The following CUX2 variants were observed in gnomAD, a reference collection of about 807,000 sequenced individuals.
CUX2 encodes homeobox protein cut-like 2.
A neutral mutation model predicts 144.8 loss-of-function variants in CUX2; 40 were observed. The ratio of observed to expected loss-of-function variants is 0.28; its 90% CI spans 0.21 to 0.36. The LOEUF (loss-of-function observed/expected upper bound fraction) is 0.36, where lower values mean the gene tolerates loss of function less well. Among genes scored for constraint, CUX2 ranks in the 10% least tolerant of loss-of-function variants. The probability of loss-of-function intolerance (pLI) is 1.00; values close to 1 mark genes in which losing one functional copy is unlikely to be tolerated. For missense variants in CUX2, 1,615 were observed against 1,994.0 expected (o/e 0.81, Z 3.62); for synonymous variants, 827 against 875.6 (o/e 0.94, Z 0.98).
Position 111,256,074 on chromosome 12 carries a change from C to G in CUX2, c.223-7687C>G, listed in dbSNP as rs151207275. Among the ~76,000 whole-genome samples the G allele has an allele frequency of 2.8e-3, 426 of 152,226 alleles. 8 individuals carry two copies. The highest frequency in any genetic ancestry group is 0.022 in the Admixed American group (343 of 15,294). On this transcript the variant is annotated intron_variant, in intron 3 of 21. Coordinates refer to ENST00000261726, the MANE Select transcript of CUX2 (RefSeq NM_015267.4). ...TGAGTGGTCAACAGGAGCCCCTCCC[C>G]CTCTGGTACATCTGAGCAAGTCTCG...
At chr12:111,275,233 C>A (rs533047321) in intron 4 of CUX2, among the ~76,000 whole-genome samples, 171 of 152,328 alleles carry the variant, frequency 1.1e-3, no homozygotes, top group South Asian at 8.7e-3. Flanking sequence ...TCCCTGCACG[C>A]CCATCAGGAC....
intron 1 of CUX2, among the ~76,000 whole-genome samples, chr12:111,131,816 C>T (rs2136110098): frequency 6.6e-6 from 1 of 152,332 alleles, no homozygotes; most frequent in East Asian, 1.9e-4. Context: ...CAGCTCCACC[C>T]CTGTGGCTTT....
At chr12:111,192,946 A>G (rs533434397) in intron 1 of CUX2, among the ~76,000 whole-genome samples, 41 of 152,300 alleles carry the variant, frequency 2.7e-4, no homozygotes, top group African/African-American at 8.7e-4. Context: ...TATGATGACT[A>G]TTGATTGCTG....
chr12:111,346,119 A>C (rs1888793698), intron 21 of CUX2, among the ~76,000 whole-genome samples: 1 of 144,660 alleles, frequency 6.9e-6, no homozygotes, highest in African/African-American at 2.6e-5. Context: ...AAAAAAAAAA[A>C]GTTACACGAA....
chr12:111,153,485 T>C (rs1877187412), intron 1 of CUX2, among the ~76,000 whole-genome samples: 1 of 152,178 alleles, frequency 6.6e-6, no homozygotes, highest in South Asian at 2.1e-4. Flanking sequence ...CTGAACATCA[T>C]GCAACTGCAC....
chr12:111,040,278 C>T (rs112288381), intron 1 of CUX2, among the ~76,000 whole-genome samples: 196 of 151,594 alleles, frequency 1.3e-3, no homozygotes, highest in African/African-American at 4.6e-3. Context: ...CTGAGCAAGA[C>T]CCTGTTTAAA....
intron 1 of CUX2, among the ~76,000 whole-genome samples, chr12:111,106,993 G>A (rs566615180): frequency 4.6e-5 from 7 of 152,314 alleles, no homozygotes; most frequent in African/African-American, 1.7e-4. Flanking sequence ...CCACATGGTG[G>A]CAAGATTGTT....
At chr12:111,345,826 C>A (rs916217840) in intron 21 of CUX2, among the ~76,000 whole-genome samples, 1 of 142,094 alleles carries the variant, frequency 7.0e-6, no homozygotes, top group Non-Finnish European at 1.5e-5. Context: ...ATGAAATAAA[C>A]AGGCTGGGTG....
intron 1 of CUX2, among the ~76,000 whole-genome samples, chr12:111,179,056 G>A (rs1453379198): frequency 1.3e-5 from 2 of 152,144 alleles, no homozygotes; most frequent in Non-Finnish European, 2.9e-5. Flanking sequence ...CCTTTCAGAC[G>A]TTCCCTGAGC....
At chr12:111,278,277 G>A (rs373616204) in intron 4 of CUX2, among the ~76,000 whole-genome samples, 2 of 152,300 alleles carry the variant, frequency 1.3e-5, no homozygotes, top group African/African-American at 2.4e-5. Context: ...TTATCTGGAC[G>A]TGATGGCATG....
rs760110894 is a variant in CUX2, at chr12:111,217,839, G to A, written c.175-51G>A. On this transcript the variant is annotated intron_variant, in intron 2 of 21. Transcript: ENST00000261726. ...CAGCGAGCTACAAGCAGGGGCCACG[G>A]GGGCGTCCCACCTGGCACTGTAGTG... The A allele has an allele frequency of 5.6e-6, 9 of 1,594,766 alleles. No individual in the cohort carries two copies. The Admixed American group carries it at 6.7e-5, about 12-fold the overall frequency.
At chr12:111,175,387 C>T (rs1201076158) in intron 1 of CUX2, among the ~76,000 whole-genome samples, 5 of 138,176 alleles carry the variant, frequency 3.6e-5, no homozygotes, top group Admixed American at 7.7e-5. Flanking sequence ...GCTTCATAGT[C>T]ATTAGGGAAC....
In CUX2 at chr12:111,320,395, C is replaced by T. The variant is rs775560554; in HGVS notation, c.2386C>T (p.Leu796Phe). 109 of 1,597,944 alleles carry T rather than the reference C, an allele frequency of 6.8e-5. No individual in the cohort carries two copies. In the Admixed American group the frequency reaches 1.3e-3, roughly 19 times the overall value. Reference protein sequence around the residue: ...DHHWASDRGLLSRPYASVSPS... With the variant: ...DHHWASDRGLFSRPYASVSPS... ...CCACTGGGCCTCCGACCGCGGCCTG[C>T]TCAGCCGCCCCTACGCCTCCGTGTC... is the stretch of plus-strand genomic sequence containing the variant. The change falls in exon 17 of 22, where the codon CTC becomes TTC. Residue 796 changes from leucine (L) to phenylalanine (F), a missense_variant. By Grantham distance (22) the Leu-to-Phe change is conservative. Coordinates refer to ENST00000261726, the MANE Select transcript of CUX2 (RefSeq NM_015267.4). This position sits in a 1 kb window ranked among gnomAD's most constrained non-coding sequence, Gnocchi z 8.1.
chr12:111,299,428 C>T (rs1213372282), intron 9 of CUX2, among the ~76,000 whole-genome samples: 8 of 152,200 alleles, frequency 5.3e-5, no homozygotes, highest in Non-Finnish European at 7.3e-5. Context: ...GGGGCACTCC[C>T]TCCTACAGAG....
At chr12:111,288,866 G>A (rs1885532441) in intron 4 of CUX2, among the ~76,000 whole-genome samples, 2 of 152,300 alleles carry the variant, frequency 1.3e-5, no homozygotes, top group Middle Eastern at 3.4e-3. Context: ...AGTAGGCTGA[G>A]GCAGGAATGT....
At chr12:111,098,718 C>T (rs1355717485) in intron 1 of CUX2, among the ~76,000 whole-genome samples, 1 of 149,554 alleles carries the variant, frequency 6.7e-6, no homozygotes, top group Non-Finnish European at 1.5e-5. Flanking sequence ...CGTCACCTCC[C>T]TCTCTCTAGC....
At chr12:111,153,515 T>C (rs1019610364) in intron 1 of CUX2, among the ~76,000 whole-genome samples, 1 of 152,188 alleles carries the variant, frequency 6.6e-6, no homozygotes, top group African/African-American at 2.4e-5. Context: ...TAGGCACTTG[T>C]AACTTGTGGT....
intron 16 of CUX2, among the ~76,000 whole-genome samples, chr12:111,316,958 T>A (rs1160215785): frequency 6.6e-6 from 1 of 152,178 alleles, no homozygotes; most frequent in Admixed American, 6.5e-5. Context: ...GTTCTGCACA[T>A]TTTGTGTAAA....
rs527732420 is a variant in CUX2, at chr12:111,322,199, T to C, written c.2767-222T>C. On this transcript the variant is annotated intron_variant, in intron 17 of 21. Coordinates refer to ENST00000261726, the MANE Select transcript of CUX2 (RefSeq NM_015267.4). The surrounding 1 kb of genome is among the most constrained non-coding windows in gnomAD (Gnocchi z 4.2). ...CAGACGTGCACCAGCCTGGTACAAG[T>C]CCCAACTACTAAGGAGGCTGAGGCA... Among the ~76,000 whole-genome samples the C allele has an allele frequency of 3.8e-4, 58 of 151,286 alleles. No individual in the cohort carries two copies. Among genetic ancestry groups the C allele is most frequent in the Admixed American group, 9.2e-4 (14 of 15,138 alleles).
Sources: gnomAD v4.1 joint callset for allele counts (sites outside exome capture counted in the v4.1 genomes callset) on GRCh38, gnomAD v4.1.1 for gene constraint, Gnocchi (gnomAD v3.1) non-coding constraint, MANE v1.5 for transcripts, NCBI Gene and HGNC (gene_info 2026-07-23, HGNC 2026-07-21) for gene names.